Variants in MAGI2 observed in about 807,000 individuals in gnomAD.
MAGI2 encodes membrane associated guanylate kinase, WW and PDZ domain containing 2, also known as membrane-associated guanylate kinase, WW and PDZ domain-containing protein 2.
MAGI2 carries 35 observed loss-of-function variants against 133.3 expected under a neutral mutation model. That is an observed-to-expected ratio of 0.26 (90% CI 0.20 to 0.35). MAGI2 has a LOEUF of 0.35. Among genes scored for constraint, MAGI2 ranks in the 10% least tolerant of loss-of-function variants. The probability of loss-of-function intolerance (pLI) is 1.00; values close to 1 mark genes in which losing one functional copy is unlikely to be tolerated. For synonymous variants in MAGI2, 729 were observed against 710.6 expected (o/e 1.03, Z -0.41); for missense variants, 1,636 against 1,863.4 (o/e 0.88, Z 2.25).
intron 1 of MAGI2, among the ~76,000 whole-genome samples, chr7:79,358,747 C>T (rs1842187236): frequency 6.6e-6 from 1 of 152,118 alleles, no homozygotes; most frequent in Non-Finnish European, 1.5e-5. Flanking sequence ...TTTACTCCCT[C>T]TGGAACCAAC....
chr7:78,778,406 T>C (rs10242583), intron 2 of MAGI2, among the ~76,000 whole-genome samples: 19,460 of 152,196 alleles, frequency 0.13, 1,810 homozygotes, highest in African/African-American at 0.25. Flanking sequence ...TAGAATAAAC[T>C]GTGCAAATTA....
chr7:78,953,583 T>C (rs1288069613), intron 2 of MAGI2, among the ~76,000 whole-genome samples: 2 of 152,180 alleles, frequency 1.3e-5, no homozygotes, highest in East Asian at 1.9e-4. Flanking sequence ...GTAGTTTAAA[T>C]TGTGAATTCT....
chr7:78,925,088 T>C (rs1174732537), intron 2 of MAGI2, among the ~76,000 whole-genome samples: 1 of 151,916 alleles, frequency 6.6e-6, no homozygotes, highest in Admixed American at 6.6e-5. Context: ...AAATTTCATG[T>C]CTGGATTGAA....
At chr7:78,765,849 G>A (rs1163811775) in intron 2 of MAGI2, among the ~76,000 whole-genome samples, 2 of 152,008 alleles carry the variant, frequency 1.3e-5, no homozygotes, top group East Asian at 3.9e-4. Flanking sequence ...GAAAAAGCAT[G>A]AGAAGCCTGG....
rs1795876710 is a variant in MAGI2 at position 78,881,973 on chromosome 7, G to T, written c.418+125117C>A. ...AACTAAAATCAGAGCAAAACTGAAT[G>T]AAATGGAGACCCAAAAACCCATACC... On this transcript the variant is annotated intron_variant, in intron 2 of 21. Coordinates refer to ENST00000354212, the MANE Select transcript of MAGI2 (RefSeq NM_012301.4). 1.4e-5 allele frequency among the ~76,000 whole-genome samples: 2 copies of T among 146,954 alleles called. 1 individual carries two copies. The highest frequency in any genetic ancestry group is 4.3e-4 in the South Asian group (2 of 4,620).
At chr7:78,472,405 G>A (rs1791303876) in intron 6 of MAGI2, among the ~76,000 whole-genome samples, 1 of 151,912 alleles carries the variant, frequency 6.6e-6, no homozygotes, top group South Asian at 2.1e-4. Flanking sequence ...TAATAACCTA[G>A]AAGCACTTGA....
intron 1 of MAGI2, among the ~76,000 whole-genome samples, chr7:79,157,787 T>C (rs1823930307): frequency 1.3e-5 from 2 of 151,704 alleles, no homozygotes; most frequent in African/African-American, 4.8e-5. Context: ...TTTTCTTTTC[T>C]GACTGCTTCA....
At chr7:78,652,513 G>T (rs934179699) in intron 2 of MAGI2, among the ~76,000 whole-genome samples, 1 of 152,090 alleles carries the variant, frequency 6.6e-6, no homozygotes. Flanking sequence ...CCTGACAAAA[G>T]CAATGGGGAA....
At chr7:78,302,340 A>T (rs1797903088) in intron 9 of MAGI2, among the ~76,000 whole-genome samples, 1 of 152,160 alleles carries the variant, frequency 6.6e-6, no homozygotes, top group Admixed American at 6.5e-5. Flanking sequence ...TTTAATGCTT[A>T]ATTTCATCCC....
chr7:79,209,674 C>T (rs1829342592), intron 1 of MAGI2, among the ~76,000 whole-genome samples: 1 of 152,018 alleles, frequency 6.6e-6, no homozygotes, highest in Non-Finnish European at 1.5e-5. Context: ...TCACACTCTC[C>T]TCCAGGACAA....
chr7:78,049,548 C>T (rs890242431), intron 21 of MAGI2, among the ~76,000 whole-genome samples: 1 of 152,210 alleles, frequency 6.6e-6, no homozygotes, highest in Non-Finnish European at 1.5e-5. Flanking sequence ...GTAATCTGCT[C>T]TTGCCTATAA....
chr7:79,034,389 A>G (rs1810915134), intron 1 of MAGI2, among the ~76,000 whole-genome samples: 1 of 152,202 alleles, frequency 6.6e-6, no homozygotes, highest in Admixed American at 6.5e-5. Flanking sequence ...TGAGTATACA[A>G]ACTCCAATAT....
chr7:79,195,208 A>G (rs1158136032), intron 1 of MAGI2, among the ~76,000 whole-genome samples: 1 of 152,026 alleles, frequency 6.6e-6, no homozygotes, highest in East Asian at 1.9e-4. Flanking sequence ...ACTAACCACC[A>G]ACACATTTAA....
At chr7:78,173,497 G>A (rs949770481) in intron 14 of MAGI2, among the ~76,000 whole-genome samples, 3 of 152,028 alleles carry the variant, frequency 2.0e-5, no homozygotes, top group Admixed American at 6.6e-5. Flanking sequence ...TGAGCCAAGG[G>A]GTCCAATAAA....
chr7:78,376,287 T>C (rs1794442443), intron 6 of MAGI2, among the ~76,000 whole-genome samples: 1 of 152,180 alleles, frequency 6.6e-6, no homozygotes, highest in Admixed American at 6.5e-5. Context: ...CTCCTTTATG[T>C]TCCGCTCTCT....
Position 78,894,594 on chromosome 7 carries a change from A to G in MAGI2, c.418+112496T>C, listed in dbSNP as rs372229564. 3.3e-5 allele frequency among the ~76,000 whole-genome samples: 5 copies of G among 152,328 alleles called. No individual in the cohort carries two copies. In the East Asian group the frequency reaches 5.8e-4, roughly 18 times the overall value. ...AATTTATAAGAAACTCATTTCACTC[A>G]TAAGTCATCATACTAATGCAAATTT... On this transcript the variant is annotated intron_variant, in intron 2 of 21. Coordinates refer to ENST00000354212, the MANE Select transcript of MAGI2 (RefSeq NM_012301.4).
At position 78,700,934 on chromosome 7, in the gene MAGI2, TAGTA is replaced by T. The variant is rs556908664; in HGVS notation, c.419-73699_419-73696del. On this transcript the variant is annotated intron_variant, in intron 2 of 21. Transcript: ENST00000354212. ...ATATTAAATTTAAATAAATTTAGTA[TAGTA>T]AGTGTGTTACATTTACATATAATTT... Among the ~76,000 whole-genome samples, 94 of 149,032 alleles carry T rather than the reference TAGTA, an allele frequency of 6.3e-4. 1 individual carries two copies. In the South Asian group the frequency reaches 0.012, roughly 19 times the overall value.
At chr7:78,986,204 C>T (rs973694180) in intron 2 of MAGI2, among the ~76,000 whole-genome samples, 1 of 152,008 alleles carries the variant, frequency 6.6e-6, no homozygotes, top group Non-Finnish European at 1.5e-5. Context: ...TTAACATTTC[C>T]ATGAAGAATG....
chr7:78,463,806 T>C (rs1348548902), intron 6 of MAGI2, among the ~76,000 whole-genome samples: 1 of 152,154 alleles, frequency 6.6e-6, no homozygotes, highest in Non-Finnish European at 1.5e-5. Context: ...TTAGTCAATG[T>C]TGGATTTGTT....
Sources: gnomAD v4.1 joint callset for allele counts (sites outside exome capture counted in the v4.1 genomes callset) on GRCh38, gnomAD v4.1.1 for gene constraint, MANE v1.5 for transcripts, NCBI Gene and HGNC (gene_info 2026-07-23, HGNC 2026-07-21) for gene names.